The following DCAF8 variants were observed in gnomAD, a reference collection of about 807,000 sequenced individuals.
DCAF8 encodes DDB1 and CUL4 associated factor 8.
A neutral mutation model predicts 68.0 loss-of-function variants in DCAF8; 20 were observed. The observed-to-expected ratio is 0.29, with a 90% CI of 0.21 to 0.43. DCAF8 has a LOEUF of 0.43. DCAF8 is among the 20% of genes least tolerant of loss of function. The probability of loss-of-function intolerance (pLI) is 1.00; values close to 1 mark genes in which losing one functional copy is unlikely to be tolerated. For synonymous variants in DCAF8, 230 were observed against 276.9 expected, an observed-to-expected ratio of 0.83 and a Z score of 1.68; for missense variants, 460 against 771.0, an observed-to-expected ratio of 0.60 and a Z score of 4.78.
At chr1:160,246,217 T>G (rs746756298) in intron 2 of DCAF8, among the ~76,000 whole-genome samples, 3 of 152,062 alleles carry the variant, frequency 2.0e-5, no homozygotes, top group Non-Finnish European at 2.9e-5. Context: ...AGATCTGATG[T>G]TTTCCCACCT....
chr1:160,231,612 T>C (rs1210804817), intron 6 of DCAF8, among the ~76,000 whole-genome samples: 1 of 152,096 alleles, frequency 6.6e-6, no homozygotes. Context: ...ACTTTGGGGA[T>C]TGGGGAAAAA....
chr1:160,242,135 C>T, intron 3 of DCAF8, among the ~76,000 whole-genome samples: 1 of 151,886 alleles, frequency 6.6e-6, no homozygotes, highest in East Asian at 1.9e-4. Flanking sequence ...ATCCCAGCTA[C>T]TTGGGAGGCT....
chr1:160,223,904 G>A (rs1430522819), intron 10 of DCAF8, among the ~76,000 whole-genome samples: 1 of 152,192 alleles, frequency 6.6e-6, no homozygotes, highest in Non-Finnish European at 1.5e-5. Context: ...CTGGACAACA[G>A]AGTGAGATCC....
chr1:160,218,853 T>G lies in DCAF8; in HGVS notation c.1556A>C (p.Lys519Thr), dbSNP rs1194383875. 1 of 1,614,074 alleles carries G rather than the reference T, an allele frequency of 6.2e-7. No homozygotes were observed. ...CTTCTGCAGTCAGCCACTTACATCT[T>G]TTAACCCTGTCAGCTCAGTGGAAGC... ...AEASTELTGL[K>T]DVIKKNKRER... is the part of the protein sequence containing the mutation. Residue 519 changes from lysine (K) to threonine (T), a missense_variant, in exon 12 of 14, where the codon AAA becomes ACA. By Grantham distance (78) the Lys-to-Thr change is moderately conservative. This residue lies in a region of DCAF8 where 80 missense variants were observed against 115.1 expected (regional missense o/e 0.70). Transcript: ENST00000368074.
chr1:160,256,989 C>T (rs1022525333), intron 2 of DCAF8, among the ~76,000 whole-genome samples: 3 of 152,234 alleles, frequency 2.0e-5, no homozygotes, highest in African/African-American at 7.2e-5. Flanking sequence ...TTTCTACTCA[C>T]TCCAAGAGCA....
rs578186624 is a variant in DCAF8, at chr1:160,261,841, A to G, written c.-100-483T>C. ...ATTTGGGAGTTAGAGGAGGTAAACT[A>G]AGATAATTATATTACAAAGGGTACA... is the stretch of plus-strand genomic sequence containing the variant. On this transcript the variant is annotated intron_variant, in intron 1 of 13. Coordinates refer to ENST00000368074, the MANE Select transcript of DCAF8 (RefSeq NM_015726.4). 164 of 152,562 alleles carry G rather than the reference A, an allele frequency of 1.1e-3. 1 individual carries two copies. Among genetic ancestry groups the G allele is most frequent in the Admixed American group, 2.0e-3 (31 of 15,302 alleles). The allele number at this position is 152,562 out of a possible 1,614,324, so 9.5% of individuals were successfully genotyped here.
chr1:160,239,469 C>G, intron 4 of DCAF8: 1 of 1,447,100 alleles, frequency 6.9e-7, no homozygotes, highest in East Asian at 2.5e-5. Flanking sequence ...ATTTAATAAG[C>G]TGCATGCACC....
intron 2 of DCAF8, among the ~76,000 whole-genome samples, chr1:160,257,514 C>A (rs1489010629): frequency 6.6e-6 from 1 of 152,174 alleles, no homozygotes; most frequent in Non-Finnish European, 1.5e-5. Context: ...GAATACAAGA[C>A]TTAGAGCACG....
chr1:160,259,889 T>C (rs942814286), intron 2 of DCAF8, among the ~76,000 whole-genome samples: 12 of 152,194 alleles, frequency 7.9e-5, no homozygotes, highest in South Asian at 4.1e-4. Flanking sequence ...TAATATTCTC[T>C]GTCCTCTGGT....
At chr1:160,256,337 A>G (rs1557843742) in intron 2 of DCAF8, among the ~76,000 whole-genome samples, 1 of 152,178 alleles carries the variant, frequency 6.6e-6, no homozygotes, top group Non-Finnish European at 1.5e-5. Flanking sequence ...AGATGAAAAA[A>G]TGATGCTCCC....
At chr1:160,253,790 C>T (rs1260847132) in intron 2 of DCAF8, among the ~76,000 whole-genome samples, 2 of 151,642 alleles carry the variant, frequency 1.3e-5, no homozygotes, top group Non-Finnish European at 2.9e-5. Flanking sequence ...GGGGTCACTG[C>T]ACTCCAGCCT....
intron 3 of DCAF8, among the ~76,000 whole-genome samples, chr1:160,243,447 T>C: frequency 6.6e-6 from 1 of 151,350 alleles, no homozygotes; most frequent in East Asian, 1.9e-4. Context: ...TCTCGCTATG[T>C]TGCCCAGGCT....
intron 2 of DCAF8, among the ~76,000 whole-genome samples, chr1:160,259,020 T>G (rs995345970): frequency 6.6e-6 from 1 of 152,170 alleles, no homozygotes; most frequent in Non-Finnish European, 1.5e-5. Context: ...AATCCTTACC[T>G]TACAATGGAG....
intron 6 of DCAF8, among the ~76,000 whole-genome samples, chr1:160,233,938 T>C (rs940792119): frequency 2.0e-5 from 3 of 152,044 alleles, no homozygotes; most frequent in African/African-American, 7.3e-5. Flanking sequence ...ATTCACCAAA[T>C]TTTGCCTTAA....
chr1:160,219,388 T>C (rs1655226160), intron 11 of DCAF8: 1 of 156,240 alleles, frequency 6.4e-6, no homozygotes, highest in South Asian at 2.0e-4. Context: ...TTTTAAAAAA[T>C]GAAGAAAGCA....
At chr1:160,219,853 T>C (rs1363307315) in intron 11 of DCAF8, 2 of 152,204 alleles carry the variant, frequency 1.3e-5, no homozygotes, top group Non-Finnish European at 2.9e-5. Flanking sequence ...TAGTTCCAGA[T>C]CTAGCTGCTA....
intron 2 of DCAF8, among the ~76,000 whole-genome samples, chr1:160,256,012 CTTTTTTTTTTTTTTTT>C (rs11284812): frequency 1.3e-5 from 1 of 75,488 alleles, no homozygotes; most frequent in African/African-American, 5.1e-5. Flanking sequence ...ACTAAGCAAA[CTTTTTTTTTTTTTTTT>C]TTTTTTTTTT....
In DCAF8 at chr1:160,243,374, T is replaced by C. The variant is rs539184332; in HGVS notation, c.49+586A>G. Among the ~76,000 whole-genome samples the C allele has an allele frequency of 1.7e-4, 25 of 151,430 alleles. No individual in the cohort carries two copies. The East Asian group carries it at 1.7e-3, about 11-fold the overall frequency. ...GAGGGGAAAGATGTCCCACTCCTAG[T>C]TGGGTTGTAACTTCATCCCTTATGT... is the stretch of plus-strand genomic sequence containing the variant. On this transcript the variant is annotated intron_variant, in intron 3 of 13. Coordinates refer to ENST00000368074, the MANE Select transcript of DCAF8 (RefSeq NM_015726.4).
chr1:160,239,641 G>A (rs1294617989), intron 4 of DCAF8, 56 bp downstream of exon 4: 1 of 1,614,092 alleles, frequency 6.2e-7, no homozygotes, highest in Non-Finnish European at 8.5e-7. Flanking sequence ...CTGCAGTTCA[G>A]ATTTCTCTAA....
Sources: allele counts gnomAD v4.1 joint callset (sites outside exome capture counted in the v4.1 genomes callset), GRCh38; gene constraint gnomAD v4.1.1; regional missense constraint gnomAD v4.1.1; transcripts MANE v1.5; gene names NCBI Gene and HGNC (gene_info 2026-07-23, HGNC 2026-07-21).